The following ADAMTS10 variants were observed in gnomAD, a reference collection of about 807,000 sequenced individuals.
ADAMTS10 encodes A disintegrin and metalloproteinase with thrombospondin motifs 10.
ADAMTS10 carries 48 observed loss-of-function variants against 135.9 expected under a neutral mutation model. The observed-to-expected ratio is 0.35, with a 90% CI of 0.28 to 0.45. The LOEUF is 0.45. Among genes scored for constraint, ADAMTS10 ranks in the 20% least tolerant of loss-of-function variants. ADAMTS10 has a pLI of 1.00. For synonymous variants in ADAMTS10, 621 were observed against 647.5 expected (o/e 0.96, Z 0.62); for missense variants, 1,131 against 1,565.2 (o/e 0.72, Z 4.68).
chr19:8,609,004 G>A (rs1240025597), intron 1 of ADAMTS10, among the ~76,000 whole-genome samples: 2 of 151,214 alleles, frequency 1.3e-5, no homozygotes, highest in Non-Finnish European at 2.9e-5. Flanking sequence ...AGGGCACCAG[G>A]TGGTGGGGGG....
intron 25 of ADAMTS10, among the ~76,000 whole-genome samples, chr19:8,581,761 G>A (rs1555735911): frequency 2.0e-5 from 3 of 151,770 alleles, no homozygotes; most frequent in Non-Finnish European, 4.4e-5. Context: ...CCTGAACCCG[G>A]GAGGCAGAGG....
intron 22 of ADAMTS10, 102 bp downstream of exon 22, chr19:8,586,020 C>G: frequency 6.3e-7 from 1 of 1,580,190 alleles, no homozygotes; most frequent in Non-Finnish European, 8.6e-7. Flanking sequence ...GTCACTCCGA[C>G]TCTGCACTAA....
chr19:8,586,680 G>A lies in ADAMTS10; in HGVS notation c.2281C>T (p.Pro761Ser), dbSNP rs1314345152. The stretch of plus-strand genomic sequence containing the variant: ...AGACGGTGGGGCTGGGGGGTCCCAG[G>A]CAGCCCCTCCAGCAGCAGGGACTCC... Reference protein sequence around the residue: ...DQESLLLEGLPGTPQPHRLPL... With the variant: ...DQESLLLEGLSGTPQPHRLPL... The change falls in exon 20 of 26, where the codon CCT (proline) becomes TCT (serine). Residue 761 changes from proline (P) to serine (S), a missense_variant. By Grantham distance (74) the Pro-to-Ser change is moderately conservative. Around this residue, in one of 3 missense-constraint regions of ADAMTS10, gnomAD observed 745 missense variants for 1,056.3 expected, o/e 0.71. Coordinates refer to ENST00000597188, the MANE Select transcript of ADAMTS10 (RefSeq NM_030957.4). 3.1e-6 allele frequency: 5 copies of A among 1,613,028 alleles called. No individual in the cohort carries two copies. The African/African-American group carries it at 5.3e-5, about 17-fold the overall frequency.
At chr19:8,585,738 C>A in intron 22 of ADAMTS10, 78 bp from the exon 23 acceptor site, 1 of 1,398,104 alleles carries the variant, frequency 7.2e-7, no homozygotes, top group Non-Finnish European at 1.0e-6. Flanking sequence ...CTATAGCCTA[C>A]CCCCACCCTT....
chr19:8,604,806 G>T, intron 4 of ADAMTS10: 1 of 641,856 alleles, frequency 1.6e-6, no homozygotes, highest in Non-Finnish European at 2.7e-6. Context: ...TGAGATTGAT[G>T]TTTAGCTCAT....
intron 25 of ADAMTS10, among the ~76,000 whole-genome samples, chr19:8,582,224 CT>C (rs1555736014): frequency 6.6e-6 from 1 of 152,100 alleles, no homozygotes; most frequent in Admixed American, 6.6e-5. Flanking sequence ...AATCACAGCA[CT>C]TTGGGAGGCT....
chr19:8,587,863 G>A (rs2146048346), intron 18 of ADAMTS10, among the ~76,000 whole-genome samples: 1 of 150,498 alleles, frequency 6.6e-6, no homozygotes, highest in South Asian at 2.1e-4. Flanking sequence ...CCTGGTAGGT[G>A]GAGCTTGCAG....
rs782503453 is a variant in ADAMTS10 at position 8,591,834 on chromosome 19, C to T, written c.1763G>A (p.Gly588Asp). 2.5e-6 allele frequency: 4 copies of T among 1,613,820 alleles called. No homozygotes were observed. In the East Asian group the frequency reaches 8.9e-5, roughly 36 times the overall value. ...GCAGGAGCGGTGCCGCCTTCTCTCACCCAGACAGTACTTGCCCCCGATGGT... is the reference window on the plus strand; with the variant it reads ...GCAGGAGCGGTGCCGCCTTCTCTCATCCAGACAGTACTTGCCCCCGATGGT... ...RPTIGGKYCL[G>D]ERRRHRSCNT... Residue 588 changes from glycine (G) to aspartate (D), a missense_variant, in exon 15 of 26, where the codon GGT (glycine) becomes GAT (aspartate). Physicochemically the swap from Gly to Asp is moderately conservative, Grantham distance 94. Coordinates refer to ENST00000597188, the MANE Select transcript of ADAMTS10 (RefSeq NM_030957.4).
At position 8,605,718 on chromosome 19, in the gene ADAMTS10, A is replaced by G; in HGVS notation, c.-8T>C. The G allele has an allele frequency of 6.2e-7, 1 of 1,603,390 alleles. No homozygotes were observed. The highest frequency in any genetic ancestry group is 8.5e-7 in the Non-Finnish European group (1 of 1,176,580). ...CTGGCAGGCGGGAGCCATAGAGGCC[A>G]CGTGTCCACATGTCTCTCCCCAGCC... On this transcript the variant is annotated 5_prime_UTR_variant, in exon 3 of 26. Transcript: ENST00000597188. The surrounding 1 kb of genome is among the most constrained non-coding windows in gnomAD (Gnocchi z 7.7).
intron 25 of ADAMTS10, among the ~76,000 whole-genome samples, chr19:8,581,869 A>C (rs1246173167): frequency 6.6e-6 from 1 of 151,550 alleles, no homozygotes; most frequent in Non-Finnish European, 1.5e-5. Flanking sequence ...ACAAAAAAAA[A>C]AAAAAGGAAA....
chr19:8,591,991 A>G lies in ADAMTS10; in HGVS notation c.1700T>C (p.Val567Ala), dbSNP rs1555739077. The change falls in exon 14 of 26, where the codon GTG (valine) becomes GCG (alanine). Residue 567 changes from valine to alanine, a missense_variant. Physicochemically the swap from Val to Ala is moderately conservative, Grantham distance 64. This residue lies in a region of ADAMTS10 where 745 missense variants were observed against 1,056.3 expected (regional missense o/e 0.71). Coordinates refer to ENST00000597188, the MANE Select transcript of ADAMTS10 (RefSeq NM_030957.4). ...GTCGCAGTGACGGCTAGAAGAGGAC[A>G]CGCCGCCGCCACAGGTCCGGCTGCA... ...GDCSRTCGGG[V>A]SSSSRHCDSP... 6.2e-7 allele frequency: 1 copy of G among 1,613,278 alleles called. No individual in the cohort carries two copies. Among genetic ancestry groups the G allele is most frequent in the Non-Finnish European group, 8.5e-7 (1 of 1,179,770 alleles).
chr19:8,609,636 C>T (rs1555743162), intron 1 of ADAMTS10, among the ~76,000 whole-genome samples: 1 of 152,072 alleles, frequency 6.6e-6, no homozygotes, highest in Non-Finnish European at 1.5e-5. Flanking sequence ...AGGAGGGGGC[C>T]GGCGCCCGGG....
chr19:8,591,941 G>T lies in ADAMTS10; in HGVS notation c.1733+17C>A. The T allele has an allele frequency of 6.2e-7, 1 of 1,612,160 alleles. No homozygotes were observed. Among genetic ancestry groups the T allele is most frequent in the East Asian group, 2.2e-5 (1 of 44,856 alleles). Reference sequence around the variant, plus strand: ...GGGGTCGCGCTGCCCTCCCGGGTGGGGGTCCTGAGGGCTGACCTGGGGCTG... The same window carrying T: ...GGGGTCGCGCTGCCCTCCCGGGTGGTGGTCCTGAGGGCTGACCTGGGGCTG... On this transcript the variant is annotated intron_variant, in intron 14 of 25. Coordinates refer to ENST00000597188, the MANE Select transcript of ADAMTS10 (RefSeq NM_030957.4).
intron 14 of ADAMTS10, 26 bp from the exon 15 acceptor site, chr19:8,591,889 G>A: frequency 6.2e-7 from 1 of 1,612,852 alleles, no homozygotes; most frequent in Non-Finnish European, 8.5e-7. Context: ...GGATAGGAGA[G>A]GGATGAGGCA....
At chr19:8,585,429 T>A in intron 23 of ADAMTS10, 27 bp downstream of exon 23, 1 of 1,537,062 alleles carries the variant, frequency 6.5e-7, no homozygotes, top group Non-Finnish European at 8.7e-7. Context: ...GGCATCCCAG[T>A]GGGCGCGAAG....
chr19:8,592,208 C>CGGGATGGTGCTGGAAG (rs1555739181), intron 13 of ADAMTS10, 105 bp from the exon 14 acceptor site: 1 of 1,571,880 alleles, frequency 6.4e-7, no homozygotes. Flanking sequence ...TCAGCCTCTC[C>CGGGATGGTGCTGGAAG]GGGATGGGCA....
intron 18 of ADAMTS10, among the ~76,000 whole-genome samples, 185 bp downstream of exon 18, chr19:8,589,057 G>A (rs1274549749): frequency 6.6e-6 from 1 of 152,166 alleles, no homozygotes; most frequent in African/African-American, 2.4e-5. Flanking sequence ...CTCCAAAAGC[G>A]ATGGGATTAT....
chr19:8,600,725 C>T (rs974512211), intron 6 of ADAMTS10, among the ~76,000 whole-genome samples: 6 of 152,004 alleles, frequency 3.9e-5, no homozygotes, highest in Non-Finnish European at 8.8e-5. Flanking sequence ...GTCTCCATCT[C>T]CTGACCTTGT....
In ADAMTS10 at chr19:8,589,873, G is replaced by C. The variant is rs782216536; in HGVS notation, c.1900+16C>G. 6 of 1,608,530 alleles carry C rather than the reference G, an allele frequency of 3.7e-6. No homozygotes were observed. The highest frequency in any genetic ancestry group is 3.4e-6 in the Non-Finnish European group (4 of 1,175,162). On this transcript the variant is annotated intron_variant, in intron 16 of 25. Transcript: ENST00000597188. ...TGCCCTTCACGGCCCCACAGCCTTT[G>C]GAGTCCCACACTCACCTCCCCGGTA...
Sources: gnomAD v4.1 joint callset for allele counts (sites outside exome capture counted in the v4.1 genomes callset) on GRCh38, gnomAD v4.1.1 for gene constraint, gnomAD v4.1.1 regional missense constraint, Gnocchi (gnomAD v3.1) non-coding constraint, MANE v1.5 for transcripts, NCBI Gene and HGNC (gene_info 2026-07-23, HGNC 2026-07-21) for gene names.